MCTP1: variants seen among roughly 807,000 people sequenced by gnomAD.
MCTP1 encodes multiple C2 and transmembrane domain-containing protein 1.
A neutral mutation model predicts 120.6 loss-of-function variants in MCTP1; 69 were observed. That is an observed-to-expected ratio of 0.57 (90% CI 0.47 to 0.70). The LOEUF is 0.70. Among genes scored for constraint, MCTP1 ranks in the 30% least tolerant of loss-of-function variants. MCTP1 has a pLI of 0.00. For synonymous variants in MCTP1, 529 were observed against 493.1 expected, an observed-to-expected ratio of 1.07 and a Z score of -0.96; for missense variants, 1,203 against 1,248.8, an observed-to-expected ratio of 0.96 and a Z score of 0.55.
chr5:95,080,279 T>G (rs1363749582), intron 1 of MCTP1, among the ~76,000 whole-genome samples: 1 of 152,192 alleles, frequency 6.6e-6, no homozygotes, highest in Non-Finnish European at 1.5e-5. Context: ...AGATGTTACA[T>G]TTTGATAATC....
At chr5:94,796,259 T>G (rs1315724174) in intron 18 of MCTP1, among the ~76,000 whole-genome samples, 1 of 152,158 alleles carries the variant, frequency 6.6e-6, no homozygotes, top group Non-Finnish European at 1.5e-5. Flanking sequence ...CAGCTGAATG[T>G]ACAGATTTTT....
At chr5:95,214,660 A>G (rs1752825377) in intron 1 of MCTP1, among the ~76,000 whole-genome samples, 1 of 152,170 alleles carries the variant, frequency 6.6e-6, no homozygotes, top group Non-Finnish European at 1.5e-5. Context: ...TGTGGCACAT[A>G]TACACCATGG....
At chr5:94,794,457 G>A (rs1779606779) in intron 18 of MCTP1, among the ~76,000 whole-genome samples, 1 of 152,190 alleles carries the variant, frequency 6.6e-6, no homozygotes, top group Non-Finnish European at 1.5e-5. Context: ...CTTACAGGAA[G>A]GAATTTGGAG....
At chr5:95,050,861 T>G (rs1745723066) in intron 1 of MCTP1, among the ~76,000 whole-genome samples, 1 of 152,186 alleles carries the variant, frequency 6.6e-6, no homozygotes, top group Non-Finnish European at 1.5e-5. Flanking sequence ...GATGGGCCCC[T>G]AATTCAACAT....
intron 1 of MCTP1, among the ~76,000 whole-genome samples, chr5:95,075,381 G>A (rs1397942343): frequency 5.3e-5 from 8 of 152,108 alleles, no homozygotes. Flanking sequence ...TTGGTTTTTA[G>A]TTAACTTATC....
intron 2 of MCTP1, among the ~76,000 whole-genome samples, chr5:94,968,352 C>G (rs1374670410): frequency 1.3e-5 from 2 of 152,132 alleles, no homozygotes; most frequent in African/African-American, 2.4e-5. Context: ...GCATCACTTA[C>G]TAAGTTTTTT....
At chr5:95,282,722 T>C (rs139112444) in intron 1 of MCTP1, among the ~76,000 whole-genome samples, 2 of 152,352 alleles carry the variant, frequency 1.3e-5, no homozygotes, top group African/African-American at 4.8e-5. Flanking sequence ...CAATTTTGTT[T>C]ATTAAGGAAC....
At chr5:94,948,265 G>A (rs1205407716) in intron 3 of MCTP1, among the ~76,000 whole-genome samples, 3 of 152,110 alleles carry the variant, frequency 2.0e-5, no homozygotes, top group African/African-American at 7.2e-5. Context: ...ACAGTTATTT[G>A]TAGGGTTAGG....
At chr5:94,947,577 T>TATAGAGAGAG in intron 3 of MCTP1, among the ~76,000 whole-genome samples, 26 of 47,392 alleles carry the variant, frequency 5.5e-4, no homozygotes, top group Non-Finnish European at 7.6e-4. Context: ...TATATATATA[T>TATAGAGAGAG]AGAGAGAGAG....
intron 2 of MCTP1, among the ~76,000 whole-genome samples, chr5:95,010,460 T>C (rs1032698036): frequency 1.8e-4 from 28 of 152,184 alleles, no homozygotes; most frequent in Admixed American, 6.6e-5. Flanking sequence ...AAATCTCAAG[T>C]GACATAATAC....
At chr5:95,263,388 A>C (rs1358412285) in intron 1 of MCTP1, among the ~76,000 whole-genome samples, 1 of 152,126 alleles carries the variant, frequency 6.6e-6, no homozygotes, top group East Asian at 1.9e-4. Flanking sequence ...ATGCACCTCC[A>C]TTCAAAGCTC....
intron 18 of MCTP1, among the ~76,000 whole-genome samples, chr5:94,791,661 C>CA (rs1462266272): frequency 6.6e-6 from 1 of 152,054 alleles, no homozygotes; most frequent in Non-Finnish European, 1.5e-5. Flanking sequence ...TTATAAAAAA[C>CA]AAAATATGTG....
intron 7 of MCTP1, among the ~76,000 whole-genome samples, chr5:94,920,822 A>G (rs189683590): frequency 6.6e-5 from 10 of 152,004 alleles, no homozygotes; most frequent in East Asian, 1.9e-4. Flanking sequence ...TTAACCTTCA[A>G]TCTTCCTTCA....
chr5:94,967,716 T>C (rs1333856577), intron 2 of MCTP1, among the ~76,000 whole-genome samples: 1 of 152,238 alleles, frequency 6.6e-6, no homozygotes, highest in African/African-American at 2.4e-5. Flanking sequence ...CGTATTATGA[T>C]GGCGCAATAT....
At chr5:94,847,070 G>A (rs1792560331) in intron 17 of MCTP1, among the ~76,000 whole-genome samples, 1 of 152,088 alleles carries the variant, frequency 6.6e-6, no homozygotes, top group South Asian at 2.1e-4. Context: ...GCTAAAATTT[G>A]CGAACCTATG....
chr5:95,213,483 T>C (rs1178990368), intron 1 of MCTP1, among the ~76,000 whole-genome samples: 1 of 152,152 alleles, frequency 6.6e-6, no homozygotes, highest in Non-Finnish European at 1.5e-5. Context: ...AAGCTACCAA[T>C]GACTTTCTTC....
chr5:95,157,483 C>T (rs914552056), intron 1 of MCTP1, among the ~76,000 whole-genome samples: 2 of 152,270 alleles, frequency 1.3e-5, no homozygotes, highest in African/African-American at 2.4e-5. Context: ...AATTCAGCTG[C>T]CCTGTAGACC....
chr5:94,907,987 A>G (rs894980473), intron 10 of MCTP1, among the ~76,000 whole-genome samples: 4 of 152,098 alleles, frequency 2.6e-5, no homozygotes, highest in African/African-American at 9.7e-5. Context: ...AACTAATATT[A>G]TTATAACCAA....
intron 2 of MCTP1, among the ~76,000 whole-genome samples, chr5:94,958,484 G>A (rs1823262083): frequency 1.3e-5 from 2 of 152,126 alleles, no homozygotes; most frequent in Middle Eastern, 3.4e-3. Context: ...CCAGGACCTG[G>A]TTTTTGAAAA....
Sources: allele counts gnomAD v4.1 joint callset (sites outside exome capture counted in the v4.1 genomes callset), GRCh38; gene constraint gnomAD v4.1.1; transcripts MANE v1.5; gene names NCBI Gene and HGNC (gene_info 2026-07-23, HGNC 2026-07-21).